LPA: variants seen among roughly 807,000 people sequenced by gnomAD.
LPA encodes lipoprotein(a).
Under a neutral mutation model 197.9 loss-of-function variants are expected in LPA, and 199 were observed. The ratio of observed to expected loss-of-function variants is 1.01; its 90% CI spans 0.90 to 1.13. The LOEUF (loss-of-function observed/expected upper bound fraction) is 1.13. LPA is among the 50% of genes most tolerant of loss of function. The probability of loss-of-function intolerance (pLI) is 0.00; values close to 1 mark genes in which losing one functional copy is unlikely to be tolerated. For missense variants in LPA, 1,853 were observed against 1,785.8 expected (o/e 1.04, Z -0.68); for synonymous variants, 715 against 639.5 (o/e 1.12, Z -1.78).
At chr6:160,580,139 C>T (rs565084262) in intron 26 of LPA, among the ~76,000 whole-genome samples, 2 of 152,288 alleles carry the variant, frequency 1.3e-5, no homozygotes, top group Non-Finnish European at 2.9e-5. Context: ...ACAGACTATA[C>T]ACTTTGACGT....
chr6:160,662,860 G>C (rs1780249177), intron 1 of LPA, among the ~76,000 whole-genome samples: 1 of 152,138 alleles, frequency 6.6e-6, no homozygotes, highest in African/African-American at 2.4e-5. Context: ...TCTCCCTGCA[G>C]GGCAAGTTCA....
At chr6:160,598,634 G>C (rs978364036) in intron 20 of LPA, among the ~76,000 whole-genome samples, 2 of 152,120 alleles carry the variant, frequency 1.3e-5, no homozygotes, top group East Asian at 3.8e-4. Flanking sequence ...CCATCTACCC[G>C]CCCCTTTTAC....
intron 16 of LPA, among the ~76,000 whole-genome samples, chr6:160,609,276 C>T (rs780348363): frequency 6.6e-6 from 1 of 152,068 alleles, no homozygotes; most frequent in Non-Finnish European, 1.5e-5. Context: ...CATGGATGAT[C>T]TTCAAGGCAT....
intron 22 of LPA, among the ~76,000 whole-genome samples, chr6:160,592,877 G>A (rs1294272256): frequency 1.3e-5 from 2 of 152,112 alleles, no homozygotes; most frequent in East Asian, 3.9e-4. Flanking sequence ...TCCTCTGAGT[G>A]GTCAGAACTC....
chr6:160,611,632 T>C lies in LPA; in HGVS notation c.2533A>G (p.Arg845Gly), dbSNP rs747391174. Residue 845 changes from arginine to glycine, a missense_variant, in exon 16 of 39, where the codon AGA (arginine) becomes GGA (glycine). Transcript: ENST00000316300. Reference protein sequence around the residue: ...RGTYSTTVTGRTCQAWSSMTP... With the variant: ...RGTYSTTVTGGTCQAWSSMTP... ...ATAGATGACCAAGCTTGGCAGGTTC[T>C]TCCAGTGACAGTGGTGGAGTATGTG... 1.4e-5 allele frequency: 23 copies of C among 1,591,046 alleles called. No homozygotes were observed. The highest frequency in any genetic ancestry group is 2.2e-5 in the East Asian group (1 of 44,640).
chr6:160,571,791 T>C (rs1347362621), intron 28 of LPA, among the ~76,000 whole-genome samples: 8 of 152,314 alleles, frequency 5.3e-5, no homozygotes, highest in African/African-American at 1.7e-4. Flanking sequence ...TTCAAGCCAG[T>C]GGAGCTTAGC....
chr6:160,540,979 C>T, intron 35 of LPA, 128 bp downstream of exon 35: 1 of 791,952 alleles, frequency 1.3e-6, no homozygotes, highest in Non-Finnish European at 2.2e-6. Context: ...TCCTAGTGTT[C>T]CTTCCAGAAA....
chr6:160,550,218 A>G (rs971998309), intron 30 of LPA, among the ~76,000 whole-genome samples: 1 of 58,524 alleles, frequency 1.7e-5, no homozygotes, highest in Non-Finnish European at 3.3e-5. Flanking sequence ...AGACTCTGTC[A>G]AGAAAAAAAA....
At position 160,594,417 on chromosome 6, in the gene LPA, C is replaced by T. The variant is rs148871439; in HGVS notation, c.3470-300G>A. ...TTAATATAGACATCTTCTGGGTGTTCCTGAGAATAAGGCAGGAAACTAGAC... is the reference window on the plus strand; with the variant it reads ...TTAATATAGACATCTTCTGGGTGTTTCTGAGAATAAGGCAGGAAACTAGAC... On this transcript the variant is annotated intron_variant, in intron 21 of 38. Coordinates refer to ENST00000316300, the MANE Select transcript of LPA (RefSeq NM_005577.4). Among the ~76,000 whole-genome samples the T allele has an allele frequency of 2.2e-3, 329 of 152,282 alleles. 2 individuals carry two copies. Among genetic ancestry groups the T allele is most frequent in the African/African-American group, 7.7e-3 (320 of 41,554 alleles).
intron 1 of LPA, among the ~76,000 whole-genome samples, chr6:160,655,525 C>T (rs893204095): frequency 1.1e-4 from 16 of 152,308 alleles, no homozygotes; most frequent in East Asian, 5.8e-4. Context: ...CACACCCAAA[C>T]GAGGAATGTG....
chr6:160,586,677 C>T, intron 24 of LPA, 47 bp from the exon 25 acceptor site: 1 of 1,612,166 alleles, frequency 6.2e-7, no homozygotes, highest in Non-Finnish European at 8.5e-7. Context: ...GGAGAAGATA[C>T]AGCACCACCT....
intron 17 of LPA, 145 bp from the exon 18 acceptor site, chr6:160,605,350 T>A: frequency 9.8e-7 from 1 of 1,019,890 alleles, no homozygotes; most frequent in Non-Finnish European, 1.5e-6. Context: ...TTTCTTTATT[T>A]GTAGGCAGAT....
intron 1 of LPA, among the ~76,000 whole-genome samples, chr6:160,661,497 C>T (rs1232183378): frequency 6.6e-6 from 1 of 152,184 alleles, no homozygotes; most frequent in Non-Finnish European, 1.5e-5. Flanking sequence ...CCTGTCCTGA[C>T]CTCCTGAGAG....
rs1779359393 is a variant in LPA at position 160,606,622 on chromosome 6, A to C, written c.2640T>G (p.Pro880=). 2 of 1,614,058 alleles carry C rather than the reference A, an allele frequency of 1.2e-6. No homozygotes were observed. The highest frequency in any genetic ancestry group is 2.2e-5 in the South Asian group (2 of 91,070). Residue 880 remains proline, a synonymous_variant, in exon 17 of 39, where the codon CCT becomes CCG. Coordinates refer to ENST00000316300, the MANE Select transcript of LPA (RefSeq NM_005577.4). ...LIMNYCRNPD[P]VAAPYCYTRD... ...TCGTATAACAATAAGGGGCTGCCACAGGATCTGGATTCCTGCAGTAGTTCA... is the reference window on the plus strand; with the variant it reads ...TCGTATAACAATAAGGGGCTGCCACCGGATCTGGATTCCTGCAGTAGTTCA...
At chr6:160,656,955 T>C (rs1186027485) in intron 1 of LPA, among the ~76,000 whole-genome samples, 1 of 152,204 alleles carries the variant, frequency 6.6e-6, no homozygotes, top group Non-Finnish European at 1.5e-5. Context: ...GAGCTCTACA[T>C]GAGTCAGACT....
chr6:160,650,890 C>A (rs1170240139), intron 1 of LPA, among the ~76,000 whole-genome samples: 3 of 152,138 alleles, frequency 2.0e-5, no homozygotes, highest in Admixed American at 2.0e-4. Flanking sequence ...ATATGAAAAC[C>A]TTGCACAATT....
intron 1 of LPA, among the ~76,000 whole-genome samples, chr6:160,651,017 T>C (rs907354197): frequency 6.6e-6 from 1 of 152,208 alleles, no homozygotes; most frequent in African/African-American, 2.4e-5. Context: ...GATAGGTAGA[T>C]GATCAAATCT....
At chr6:160,597,558 A>G (rs552311598) in intron 20 of LPA, among the ~76,000 whole-genome samples, 3 of 152,334 alleles carry the variant, frequency 2.0e-5, no homozygotes, top group Admixed American at 2.0e-4. Flanking sequence ...TTCCCTGGAA[A>G]CAACTAACCT....
At chr6:160,540,738 C>T (rs975549322) in intron 35 of LPA, among the ~76,000 whole-genome samples, 2 of 152,118 alleles carry the variant, frequency 1.3e-5, no homozygotes, top group African/African-American at 4.8e-5. Flanking sequence ...AAACATGTGC[C>T]AATTAAACTC....
Sources: allele counts gnomAD v4.1 joint callset (sites outside exome capture counted in the v4.1 genomes callset), GRCh38; gene constraint gnomAD v4.1.1; transcripts MANE v1.5; gene names NCBI Gene and HGNC (gene_info 2026-07-23, HGNC 2026-07-21).